The following CADM1 variants were observed in gnomAD, a reference collection of about 807,000 sequenced individuals.
CADM1 encodes TSLC-1.
In CADM1, 15 loss-of-function variants were observed where a neutral mutation model predicts 53.1. The observed-to-expected ratio is 0.28, with a 90% CI of 0.19 to 0.44. CADM1 has a LOEUF of 0.44. CADM1 is among the 20% of genes least tolerant of loss of function. The pLI, the probability that CADM1 is intolerant of heterozygous loss-of-function variation, is 1.00. For missense variants in CADM1, 434 were observed against 611.3 expected (o/e 0.71, Z 3.06); for synonymous variants, 281 against 243.0 (o/e 1.16, Z -1.45).
intron 1 of CADM1, among the ~76,000 whole-genome samples, chr11:115,319,571 T>A (rs891460426): frequency 6.6e-6 from 1 of 152,168 alleles, no homozygotes; most frequent in Non-Finnish European, 1.5e-5. Flanking sequence ...TGCCAATTCT[T>A]TGGGAGCCAA....
intron 1 of CADM1, among the ~76,000 whole-genome samples, chr11:115,281,428 AAT>A (rs527513012): frequency 1.3e-5 from 2 of 152,250 alleles, no homozygotes; most frequent in South Asian, 4.1e-4. Flanking sequence ...CTTGCAGAAA[AAT>A]AGATTTTTAA....
At chr11:115,439,025 C>T (rs1371151142) in intron 1 of CADM1, among the ~76,000 whole-genome samples, 1 of 152,194 alleles carries the variant, frequency 6.6e-6, no homozygotes, top group African/African-American at 2.4e-5. Flanking sequence ...CATCAGAGAA[C>T]CCACTCTGGG....
chr11:115,256,095 A>G (rs1942778667), intron 1 of CADM1, among the ~76,000 whole-genome samples: 2 of 152,210 alleles, frequency 1.3e-5, no homozygotes, highest in Non-Finnish European at 2.9e-5. Flanking sequence ...AAAAACAGCA[A>G]ATAGAGAAAT....
At chr11:115,335,984 T>A (rs971309703) in intron 1 of CADM1, among the ~76,000 whole-genome samples, 1 of 152,160 alleles carries the variant, frequency 6.6e-6, no homozygotes, top group South Asian at 2.1e-4. Flanking sequence ...CAAATACGCG[T>A]CTGAATAACT....
intron 1 of CADM1, among the ~76,000 whole-genome samples, chr11:115,289,955 T>G (rs1334171633): frequency 6.6e-6 from 1 of 152,226 alleles, no homozygotes; most frequent in East Asian, 1.9e-4. Flanking sequence ...AAGGGCTAAG[T>G]GCTTTCTGTG....
chr11:115,313,767 C>T (rs1238139117), intron 1 of CADM1, among the ~76,000 whole-genome samples: 1 of 152,148 alleles, frequency 6.6e-6, no homozygotes, highest in Non-Finnish European at 1.5e-5. Flanking sequence ...GAGGTTGCTC[C>T]TCCTGTACTT....
chr11:115,260,657 TA>T (rs2135014984), intron 1 of CADM1, among the ~76,000 whole-genome samples: 1 of 152,288 alleles, frequency 6.6e-6, no homozygotes, highest in African/African-American at 2.4e-5. Context: ...GTGCTTTTTT[TA>T]AATTTTTATT....
Position 115,200,620 on chromosome 11 carries a change from C to T in CADM1, c.1079-2182G>A, listed in dbSNP as rs192138196. ...AAGCGATTCTCCTGCCTCAGCCTCC[C>T]GAGTAGCTGGGATTACTGGCATGTG... On this transcript the variant is annotated intron_variant, in intron 8 of 11. Transcript: ENST00000331581. 3.1e-3 allele frequency among the ~76,000 whole-genome samples: 472 copies of T among 152,296 alleles called. 6 individuals carry two copies. Among genetic ancestry groups the T allele is most frequent in the African/African-American group, 0.01 (436 of 41,564 alleles).
chr11:115,375,904 C>T (rs1231865895), intron 1 of CADM1, among the ~76,000 whole-genome samples: 7 of 152,048 alleles, frequency 4.6e-5, no homozygotes, highest in Admixed American at 4.6e-4. Context: ...TGCTGTCCAG[C>T]ATATATTTAT....
At chr11:115,251,199 G>T (rs1182309134) in intron 1 of CADM1, among the ~76,000 whole-genome samples, 2 of 152,168 alleles carry the variant, frequency 1.3e-5, no homozygotes, top group East Asian at 3.9e-4. Flanking sequence ...CAACTTAACG[G>T]CATTTACAGT....
intron 1 of CADM1, among the ~76,000 whole-genome samples, chr11:115,284,992 T>G (rs1195778619): frequency 1.3e-5 from 2 of 152,182 alleles, no homozygotes; most frequent in Non-Finnish European, 2.9e-5. Context: ...AACGAAGCAT[T>G]CACCCTCAGC....
intron 1 of CADM1, among the ~76,000 whole-genome samples, chr11:115,300,358 A>C (rs1944187244): frequency 6.6e-6 from 1 of 152,134 alleles, no homozygotes; most frequent in East Asian, 1.9e-4. Flanking sequence ...CTCACTTTAA[A>C]AACAGATCCC....
chr11:115,316,160 G>A (rs1440182962), intron 1 of CADM1, among the ~76,000 whole-genome samples: 3 of 152,178 alleles, frequency 2.0e-5, no homozygotes, highest in African/African-American at 7.2e-5. Context: ...AAAATGCTCA[G>A]TATGTAAGGT....
In CADM1 at chr11:115,260,699, G is replaced by A. The variant is rs910985835; in HGVS notation, c.125-20279C>T. ...ATTTTATTTATTTTTTTCAGACGGG[G>A]TCTCGCTCTGTTGCCCAGGCTGGAG... On this transcript the variant is annotated intron_variant, in intron 1 of 11. Transcript: ENST00000331581. 4.6e-5 allele frequency among the ~76,000 whole-genome samples: 7 copies of A among 151,784 alleles called. No individual in the cohort carries two copies. In the South Asian group the frequency reaches 1.5e-3, roughly 32 times the overall value.
At chr11:115,221,537 GA>G (rs1296481861) in intron 5 of CADM1, among the ~76,000 whole-genome samples, 1 of 152,126 alleles carries the variant, frequency 6.6e-6, no homozygotes, top group Middle Eastern at 3.2e-3. Context: ...TATATAAAAG[GA>G]AACTCTTAAA....
intron 1 of CADM1, among the ~76,000 whole-genome samples, chr11:115,270,231 T>C (rs1451666080): frequency 6.6e-6 from 1 of 152,198 alleles, no homozygotes; most frequent in African/African-American, 2.4e-5. Context: ...AATAGTAGCC[T>C]AAAGGGCAAC....
chr11:115,200,414 C>A (rs746949554), intron 8 of CADM1, among the ~76,000 whole-genome samples: 3 of 152,194 alleles, frequency 2.0e-5, no homozygotes, highest in Admixed American at 6.5e-5. Flanking sequence ...AGATAGGCAT[C>A]GGCTCCTTTC....
At chr11:115,474,265 T>C (rs1261100522) in intron 1 of CADM1, among the ~76,000 whole-genome samples, 2 of 118,436 alleles carry the variant, frequency 1.7e-5, no homozygotes, top group Non-Finnish European at 3.2e-5. Context: ...CACTCCAGCC[T>C]GGGTGACAGA....
At chr11:115,490,595 T>C (rs1949473594) in intron 1 of CADM1, among the ~76,000 whole-genome samples, 1 of 152,030 alleles carries the variant, frequency 6.6e-6, no homozygotes, top group Non-Finnish European at 1.5e-5. Flanking sequence ...AGACAGGGTT[T>C]CACCATATTG....
Sources: allele counts gnomAD v4.1 joint callset (sites outside exome capture counted in the v4.1 genomes callset), GRCh38; gene constraint gnomAD v4.1.1; transcripts MANE v1.5; gene names NCBI Gene and HGNC (gene_info 2026-07-23, HGNC 2026-07-21).